Variants in TMC7 observed in about 807,000 individuals in gnomAD.
TMC7 encodes transmembrane channel like 7.
Under a neutral mutation model 82.9 loss-of-function variants are expected in TMC7, and 54 were observed. The ratio of observed to expected loss-of-function variants is 0.65; its 90% CI spans 0.52 to 0.82. The LOEUF (loss-of-function observed/expected upper bound fraction) is 0.82. TMC7 is among the 40% of genes least tolerant of loss of function. The pLI is 0.00. For missense variants in TMC7, 820 were observed against 901.2 expected (o/e 0.91, Z 1.15); for synonymous variants, 350 against 337.9 (o/e 1.04, Z -0.39).
At chr16:18,988,471 A>G (rs2038892930) in intron 1 of TMC7, among the ~76,000 whole-genome samples, 1 of 151,690 alleles carries the variant, frequency 6.6e-6, no homozygotes, top group Non-Finnish European at 1.5e-5. Context: ...TTTGAGTTTT[A>G]GTAGAGACTG....
intron 1 of TMC7, among the ~76,000 whole-genome samples, chr16:19,007,931 A>G (rs1422439913): frequency 2.0e-5 from 3 of 152,164 alleles, no homozygotes; most frequent in Non-Finnish European, 2.9e-5. Flanking sequence ...AGTTCCAGAT[A>G]TGACATATGG....
rs781291947 is a variant in TMC7 at position 19,021,642 on chromosome 16, T to C, written c.474T>C (p.Thr158=). 1 of 1,614,156 alleles carries C rather than the reference T, an allele frequency of 6.2e-7. No homozygotes were observed. The highest frequency in any genetic ancestry group is 8.5e-7 in the Non-Finnish European group (1 of 1,180,014). ...DIRSIEGKFG[T]GIQSYFSFLR... The stretch of plus-strand genomic sequence containing the variant: ...TGTTTTTTCCAGGGAAATTTGGCAC[T>C]GGGATTCAGTCCTATTTCTCCTTCT... Residue 158 remains threonine (T), a synonymous_variant, in exon 4 of 16, where the codon ACT becomes ACC. Coordinates refer to ENST00000304381, the MANE Select transcript of TMC7 (RefSeq NM_024847.4).
chr16:19,059,850 AC>A lies in TMC7; in HGVS notation c.2106+358del, dbSNP rs1262181855. The A allele has an allele frequency of 8.9e-6, 5 of 561,760 alleles. No homozygotes were observed. The East Asian group carries it at 1.4e-4, about 15-fold the overall frequency. The allele number at this position is 561,760 out of a possible 1,614,324, so 34.8% of individuals were successfully genotyped here. On this transcript the variant is annotated intron_variant, in intron 15 of 15. Transcript: ENST00000304381. ...AAAGTAGTTGGGCGTGGTGGTGGGC[AC>A]CTGTAATCCCAGCTACTTGGGAGGC...
chr16:19,058,940 C>CG (rs1418911824), intron 14 of TMC7, among the ~76,000 whole-genome samples: 2 of 152,024 alleles, frequency 1.3e-5, no homozygotes, highest in African/African-American at 4.8e-5. Context: ...TGCAGTGATG[C>CG]GATCTCAGCT....
intron 10 of TMC7, 111 bp from the exon 11 acceptor site, chr16:19,045,230 C>T: frequency 1.0e-6 from 1 of 957,542 alleles, no homozygotes; most frequent in Non-Finnish European, 1.7e-6. Flanking sequence ...GATGCCCTCA[C>T]TGGAGCCACA....
chr16:19,042,930 T>C lies in TMC7; in HGVS notation c.1338-1954T>C, dbSNP rs113438096. 1.9e-3 allele frequency among the ~76,000 whole-genome samples: 296 copies of C among 152,020 alleles called. 1 individual carries two copies. Among genetic ancestry groups the C allele is most frequent in the African/African-American group, 6.8e-3 (282 of 41,502 alleles). On this transcript the variant is annotated intron_variant, in intron 9 of 15. Coordinates refer to ENST00000304381, the MANE Select transcript of TMC7 (RefSeq NM_024847.4). ...CCCGGCTAATTTTTTGTACTTTTAG[T>C]AGAGATGGGGTTTTACTGTGTTAGC...
rs1390089082 is a variant in TMC7, at chr16:18,998,214, C to G, written c.68-10958C>G. ...TAAGCACATTACATATGATTGCCAT[C>G]TAATCCTCAGGACAGCTATAGGAGG... On this transcript the variant is annotated intron_variant, in intron 1 of 15. Transcript: ENST00000304381. Among the ~76,000 whole-genome samples the G allele has an allele frequency of 2.0e-5, 3 of 152,234 alleles. No homozygotes were observed. The East Asian group carries it at 5.8e-4, about 29-fold the overall frequency.
At chr16:19,020,610 A>G (rs949033715) in intron 3 of TMC7, among the ~76,000 whole-genome samples, 4 of 151,902 alleles carry the variant, frequency 2.6e-5, no homozygotes, top group Admixed American at 2.0e-4. Context: ...GCTCACGCCT[A>G]TAATCCCAGC....
At position 18,984,101 on chromosome 16, in the gene TMC7, G is replaced by C. The variant is rs2038798844; in HGVS notation, c.38G>C (p.Arg13Thr). 1.2e-5 allele frequency: 18 copies of C among 1,503,384 alleles called. No homozygotes were observed. The highest frequency in any genetic ancestry group is 1.5e-5 in the Non-Finnish European group (17 of 1,134,178). The allele number at this position is 1,503,384 out of a possible 1,614,324, so 93.1% of individuals were successfully genotyped here. Residue 13 changes from arginine (R) to threonine (T), a missense_variant, in exon 1 of 16, where the codon AGG becomes ACG. Physicochemically the swap from Arg to Thr is moderately conservative, Grantham distance 71. Around this residue, in one of 2 missense-constraint regions of TMC7, gnomAD observed 650 missense variants for 669.9 expected, o/e 0.97. Transcript: ENST00000304381. Reference sequence around the variant, plus strand: ...AGCGGCAGTGCGCTCCAGCCCGGCAGGCCCAGCCGGCAGCCGGCGGTCCAT... The same window carrying C: ...AGCGGCAGTGCGCTCCAGCCCGGCACGCCCAGCCGGCAGCCGGCGGTCCAT... ...ESSGSALQPG[R>T]PSRQPAVHPE...
intron 1 of TMC7, among the ~76,000 whole-genome samples, chr16:19,000,854 A>G (rs1476523780): frequency 6.6e-6 from 1 of 152,068 alleles, no homozygotes. Context: ...CCCCATCTCT[A>G]CTAAAAATAC....
rs748238607 is a variant in TMC7, at chr16:19,006,038, TG to T, written c.68-3132del. Among the ~76,000 whole-genome samples the T allele has an allele frequency of 3.9e-5, 6 of 152,202 alleles. No individual in the cohort carries two copies. The East Asian group carries it at 1.2e-3, about 29-fold the overall frequency. Reference sequence around the variant, plus strand: ...AGCCAGGCCTTGACCGGTCCCCACCTGGCCCTGCCCCTGCCCATCCTCATCC... The same window carrying T: ...AGCCAGGCCTTGACCGGTCCCCACCTGCCCTGCCCCTGCCCATCCTCATCC... On this transcript the variant is annotated intron_variant, in intron 1 of 15. Coordinates refer to ENST00000304381, the MANE Select transcript of TMC7 (RefSeq NM_024847.4).
At chr16:19,041,459 G>A (rs764804630) in intron 9 of TMC7, among the ~76,000 whole-genome samples, 3 of 151,348 alleles carry the variant, frequency 2.0e-5, no homozygotes, top group Non-Finnish European at 4.4e-5. Context: ...TCCACCTCCC[G>A]GGTTCAAGCG....
At chr16:19,017,370 G>T in intron 3 of TMC7, among the ~76,000 whole-genome samples, 1 of 147,992 alleles carries the variant, frequency 6.8e-6, no homozygotes, top group African/African-American at 2.5e-5. Flanking sequence ...GCATAAAATA[G>T]TATTATTTAA....
At chr16:19,007,522 T>C (rs548414172) in intron 1 of TMC7, among the ~76,000 whole-genome samples, 4 of 152,232 alleles carry the variant, frequency 2.6e-5, no homozygotes, top group African/African-American at 9.6e-5. Context: ...CACTTATGGG[T>C]TCCCTCTGCC....
Position 19,061,797 on chromosome 16 carries a change from A to G in TMC7, c.2126A>G (p.Tyr709Cys), listed in dbSNP as rs748913638. 1.2e-6 allele frequency: 2 copies of G among 1,613,902 alleles called. No homozygotes were observed. The highest frequency in any genetic ancestry group is 1.1e-5 in the South Asian group (1 of 91,024). The part of the protein sequence containing the change: ...QLSLESRDKC[Y>C]LIQKLTEAQR... ...TTTTAGGAAAGTCGTGACAAGTGCT[A>G]CCTAATCCAGAAACTAACAGAAGCC... The change falls in exon 16 of 16, where the codon TAC becomes TGC. Residue 709 changes from tyrosine to cysteine, a missense_variant. Tyr to Cys is a radical substitution (Grantham distance 194). Transcript: ENST00000304381.
At position 19,061,822 on chromosome 16, in the gene TMC7, C is replaced by T; in HGVS notation, c.2151C>T (p.Ala717=). 1.2e-6 allele frequency: 2 copies of T among 1,613,470 alleles called. No individual in the cohort carries two copies. Among genetic ancestry groups the T allele is most frequent in the Middle Eastern group, 1.7e-4 (1 of 6,058 alleles). The change falls in exon 16 of 16, where the codon GCC becomes GCT. Residue 717 remains alanine (A), a synonymous_variant. Transcript: ENST00000304381. ...KCYLIQKLTE[A]QRDMRN is the part of the protein sequence containing the mutation. The stretch of plus-strand genomic sequence containing the variant: ...ACCTAATCCAGAAACTAACAGAAGC[C>T]CAAAGGGACATGAGGAACTAACTAG...
intron 1 of TMC7, among the ~76,000 whole-genome samples, chr16:18,986,630 C>T (rs897552032): frequency 5.3e-5 from 8 of 152,156 alleles, no homozygotes; most frequent in African/African-American, 1.9e-4. Flanking sequence ...TCGCAACCAA[C>T]AGGATCTGGT....
chr16:19,023,669 A>G (rs1283019078), intron 5 of TMC7, among the ~76,000 whole-genome samples: 3 of 151,972 alleles, frequency 2.0e-5, no homozygotes, highest in Non-Finnish European at 4.4e-5. Context: ...CTGGTCTGGA[A>G]CTCCTGAACT....
intron 12 of TMC7, 78 bp downstream of exon 12, chr16:19,047,327 A>G (rs796792992): frequency 8.0e-7 from 1 of 1,250,162 alleles, no homozygotes; most frequent in African/African-American, 1.5e-5. Flanking sequence ...TCTGGAGCTC[A>G]CCTCACATCC....
Sources: allele counts gnomAD v4.1 joint callset (sites outside exome capture counted in the v4.1 genomes callset), GRCh38; gene constraint gnomAD v4.1.1; regional missense constraint gnomAD v4.1.1; transcripts MANE v1.5; gene names NCBI Gene and HGNC (gene_info 2026-07-23, HGNC 2026-07-21).